PTPRC: variants seen among roughly 807,000 people sequenced by gnomAD.
The protein encoded by PTPRC is receptor-type tyrosine-protein phosphatase C.
A neutral mutation model predicts 155.9 loss-of-function variants in PTPRC; 44 were observed. The ratio of observed to expected loss-of-function variants is 0.28; its 90% CI spans 0.22 to 0.36. PTPRC has a LOEUF of 0.36. Ranked by LOEUF, PTPRC falls within the 10% of genes least tolerant of loss-of-function variation. PTPRC has a pLI of 1.00. For missense variants in PTPRC, 1,401 were observed against 1,564.6 expected (o/e 0.90, Z 1.76); for synonymous variants, 525 against 533.1 (o/e 0.98, Z 0.21).
chr1:198,728,271 G>T (rs1004180140), intron 15 of PTPRC, 69 bp from the exon 16 acceptor site: 23 of 1,181,656 alleles, frequency 1.9e-5, no homozygotes, highest in Non-Finnish European at 2.7e-5. Context: ...TACTTTGGAG[G>T]TGATTATTCA....
Position 198,732,522 on chromosome 1 carries a change from C to T in PTPRC, c.2108C>T (p.Ala703Val), listed in dbSNP as rs772193588. The T allele has an allele frequency of 2.5e-6, 4 of 1,610,678 alleles. No individual in the cohort carries two copies. The change falls in exon 20 of 33, where the codon GCA becomes GTA. Residue 703 changes from alanine to valine, a missense_variant. Ala to Val is a moderately conservative substitution (Grantham distance 64, BLOSUM62 0). This residue lies in a region of PTPRC where 867 missense variants were observed against 970.4 expected (regional missense o/e 0.89). Coordinates refer to ENST00000442510, the MANE Select transcript of PTPRC (RefSeq NM_002838.5). ...RVELSEINGD[A>V]GSNYINASYI... ...GAACTCTCTGAGATAAACGGAGATG[C>T]AGGGTCAAACTACATAAATGCCAGC...
At position 198,755,182 on chromosome 1, in the gene PTPRC, A is replaced by G. The variant is rs146514237; in HGVS notation, c.3646-724A>G. Among the ~76,000 whole-genome samples, 19 of 152,220 alleles carry G rather than the reference A, an allele frequency of 1.2e-4. No homozygotes were observed. The East Asian group carries it at 3.7e-3, about 29-fold the overall frequency. On this transcript the variant is annotated intron_variant, in intron 32 of 32. Transcript: ENST00000442510. ...CTCCACTTCTTGAGAGGGCCTGCAA[A>G]TTCACATTGCAAAGAAATGTGGATA...
chr1:198,645,899 C>T (rs1449187320), intron 2 of PTPRC, among the ~76,000 whole-genome samples: 1 of 151,704 alleles, frequency 6.6e-6, no homozygotes, highest in Admixed American at 6.6e-5. Flanking sequence ...TGAAGTCTCA[C>T]CTGCCTTCAA....
intron 2 of PTPRC, among the ~76,000 whole-genome samples, chr1:198,660,049 A>ATAT (rs1303534181): frequency 1.1e-4 from 6 of 53,976 alleles, no homozygotes; most frequent in Admixed American, 3.8e-4. Context: ...ATATATATAT[A>ATAT]TATATATATA....
rs1654444333 is a variant in PTPRC, at chr1:198,732,569, T to G, written c.2142+13T>G. ...CAGCTATATTGATGTGAGTAAAAAT[T>G]TGCATTTTTCTTATACCTACATATT... On this transcript the variant is annotated intron_variant, in intron 20 of 32. Transcript: ENST00000442510. 1 of 1,598,124 alleles carries G rather than the reference T, an allele frequency of 6.3e-7. No homozygotes were observed. The highest frequency in any genetic ancestry group is 8.6e-7 in the Non-Finnish European group (1 of 1,168,932).
chr1:198,643,256 C>T (rs1449276766), intron 2 of PTPRC, among the ~76,000 whole-genome samples: 1 of 151,596 alleles, frequency 6.6e-6, no homozygotes, highest in Non-Finnish European at 1.5e-5. Context: ...TTGTAACCTA[C>T]ATGAAATCAG....
At chr1:198,646,377 C>A (rs1346327447) in intron 2 of PTPRC, among the ~76,000 whole-genome samples, 2 of 151,754 alleles carry the variant, frequency 1.3e-5, no homozygotes, top group Non-Finnish European at 2.9e-5. Flanking sequence ...TTCTTCTTTT[C>A]AAACAATACA....
At chr1:198,676,398 C>T (rs983783471) in intron 2 of PTPRC, among the ~76,000 whole-genome samples, 3 of 152,060 alleles carry the variant, frequency 2.0e-5, no homozygotes, top group African/African-American at 7.2e-5. Flanking sequence ...AATTGTTAAA[C>T]TTAAGAAACA....
In PTPRC at chr1:198,713,173, A is replaced by G. The variant is rs1653398687; in HGVS notation, c.1291+101A>G. 16 of 1,527,498 alleles carry G rather than the reference A, an allele frequency of 1.0e-5. No homozygotes were observed. The South Asian group carries it at 1.8e-4, about 17-fold the overall frequency. 94.6% of individuals were successfully genotyped at this position (1,527,498 alleles called of 1,614,324 possible). ...CAGTGAGTCACAAAGCTCTCTGCTT[A>G]GAGACTGCATAGGCATAGTATACTC... On this transcript the variant is annotated intron_variant, in intron 12 of 32. Transcript: ENST00000442510.
intron 4 of PTPRC, among the ~76,000 whole-genome samples, chr1:198,697,175 T>C (rs1414358343): frequency 6.6e-6 from 1 of 152,190 alleles, no homozygotes; most frequent in Non-Finnish European, 1.5e-5. Flanking sequence ...TAGTATCCTC[T>C]GATCTATACA....
At chr1:198,702,357 T>C in intron 5 of PTPRC, 30 bp from the exon 6 acceptor site, 5 of 1,614,208 alleles carry the variant, frequency 3.1e-6, no homozygotes, top group Non-Finnish European at 4.2e-6. Context: ...CAGACACAAG[T>C]GACAGTGCTG....
At chr1:198,732,218 A>T in intron 18 of PTPRC, 82 bp from the exon 19 acceptor site, 7 of 1,073,946 alleles carry the variant, frequency 6.5e-6, no homozygotes, top group Non-Finnish European at 1.0e-5. Flanking sequence ...AGGATATCTC[A>T]TTTACTCAAA....
chr1:198,681,514 A>G (rs1665325032), intron 2 of PTPRC, among the ~76,000 whole-genome samples: 1 of 152,206 alleles, frequency 6.6e-6, no homozygotes, highest in South Asian at 2.1e-4. Flanking sequence ...TGCTGAACAA[A>G]TAGGAAATAT....
intron 3 of PTPRC, chr1:198,694,526 T>A (rs891492406): frequency 2.0e-6 from 2 of 994,172 alleles, no homozygotes; most frequent in African/African-American, 3.5e-5. Context: ...GTAATTCACA[T>A]CTAATGAAAG....
Position 198,742,015 on chromosome 1 carries a change from G to C in PTPRC, c.2550G>C (p.Val850=). 6.2e-7 allele frequency: 1 copy of C among 1,611,370 alleles called. No individual in the cohort carries two copies. The highest frequency in any genetic ancestry group is 2.2e-5 in the East Asian group (1 of 44,574). The change falls in exon 24 of 33, where the codon GTG becomes GTC. Residue 850 remains valine, a synonymous_variant. Coordinates refer to ENST00000442510, the MANE Select transcript of PTPRC (RefSeq NM_002838.5). ...AFSNFFSGPI[V]VHCSAGVGRT... is the part of the protein sequence containing the mutation. The stretch of plus-strand genomic sequence containing the variant: ...GCAATTTCTTCAGTGGTCCCATTGT[G>C]GTGCACTGCAGGTAGGAAAAACGAA...
At chr1:198,730,455 A>G (rs898805504) in intron 17 of PTPRC, among the ~76,000 whole-genome samples, 1 of 152,138 alleles carries the variant, frequency 6.6e-6, no homozygotes, top group Non-Finnish European at 1.5e-5. Context: ...CTTTATGCCC[A>G]GTACCAAAGT....
At chr1:198,748,071 T>G (rs777835146) in intron 26 of PTPRC, 38 bp from the exon 27 acceptor site, 1 of 1,577,484 alleles carries the variant, frequency 6.3e-7, no homozygotes, top group Non-Finnish European at 8.6e-7. Flanking sequence ...AATATTTACA[T>G]TTTAAAGGAG....
chr1:198,642,273 T>C (rs1662628126), intron 2 of PTPRC, among the ~76,000 whole-genome samples: 1 of 152,076 alleles, frequency 6.6e-6, no homozygotes, highest in Non-Finnish European at 1.5e-5. Context: ...GTTTCTACAT[T>C]GTTCATATAC....
intron 25 of PTPRC, among the ~76,000 whole-genome samples, chr1:198,742,997 T>C (rs1226084348): frequency 7.1e-6 from 1 of 141,494 alleles, no homozygotes; most frequent in Non-Finnish European, 1.5e-5. Context: ...CATATATGCA[T>C]ATACCCAAGA....
Sources: allele counts gnomAD v4.1 joint callset (sites outside exome capture counted in the v4.1 genomes callset), GRCh38; gene constraint gnomAD v4.1.1; regional missense constraint gnomAD v4.1.1; transcripts MANE v1.5; gene names NCBI Gene and HGNC (gene_info 2026-07-23, HGNC 2026-07-21).